Variants in YTHDF3 observed in about 807,000 individuals in gnomAD.
The protein encoded by YTHDF3 is YTH N6-methyladenosine RNA binding protein F3.
YTHDF3 carries 9 observed loss-of-function variants against 52.5 expected under a neutral mutation model. The observed-to-expected ratio is 0.17, with a 90% CI of 0.10 to 0.30. The LOEUF (loss-of-function observed/expected upper bound fraction) is 0.30. Ranked by LOEUF, YTHDF3 falls within the 10% of genes least tolerant of loss-of-function variation. The pLI, the probability that YTHDF3 is intolerant of heterozygous loss-of-function variation, is 1.00. For missense variants in YTHDF3, 534 were observed against 715.0 expected (o/e 0.75, Z 2.89); for synonymous variants, 274 against 243.3 (o/e 1.13, Z -1.18).
intron 4 of YTHDF3, among the ~76,000 whole-genome samples, chr8:63,194,284 G>T (rs533811481): frequency 6.6e-6 from 1 of 152,122 alleles, no homozygotes; most frequent in Admixed American, 6.5e-5. Context: ...AGGAGTTTGA[G>T]ATCAGCCTGG....
In YTHDF3 at chr8:63,168,735, C is replaced by A; in HGVS notation, c.-143C>A. ...TTCCTCCGACTCCCGAGCGCGAGGC[C>A]CTCATTTTGGGTTCTCAGCGAACGG... On this transcript the variant is annotated 5_prime_UTR_variant, in exon 1 of 5. Coordinates refer to ENST00000539294, the MANE Select transcript of YTHDF3 (RefSeq NM_152758.6). 3 of 1,511,040 alleles carry A rather than the reference C, an allele frequency of 2.0e-6. No homozygotes were observed. The South Asian group carries it at 3.6e-5, about 18-fold the overall frequency. 93.6% of individuals were successfully genotyped at this position (1,511,040 alleles called of 1,614,324 possible).
chr8:63,173,752 C>T (rs1807500393), intron 2 of YTHDF3: 12 of 916,528 alleles, frequency 1.3e-5, no homozygotes, highest in South Asian at 5.0e-5. Context: ...ACCTAAGGCA[C>T]CCTCTTTATT....
intron 3 of YTHDF3, among the ~76,000 whole-genome samples, chr8:63,182,970 T>TC (rs397771579): frequency 2.0e-5 from 3 of 151,612 alleles, no homozygotes; most frequent in Non-Finnish European, 2.9e-5. Context: ...TTTTTTTTTT[T>TC]CTTTTTTGAG....
rs200588648 is a variant in YTHDF3, at chr8:63,186,380, A to T, written c.369A>T (p.Gly123=). The change falls in exon 4 of 5, where the codon GGA becomes GGT. Residue 123 remains glycine (G), a synonymous_variant. Coordinates refer to ENST00000539294, the MANE Select transcript of YTHDF3 (RefSeq NM_152758.6). ...CCCCTCCATTTCTTGGTCAACATGG[A>T]TTTAACTTTTTTCCTGGTAATGCTG... is the stretch of plus-strand genomic sequence containing the variant. ...GNTPPFLGQH[G]FNFFPGNADF... The T allele has an allele frequency of 4.6e-5, 75 of 1,613,882 alleles. No individual in the cohort carries two copies. The highest frequency in any genetic ancestry group is 4.2e-5 in the Non-Finnish European group (50 of 1,179,898).
At chr8:63,199,627 GT>G (rs1459074001) in intron 4 of YTHDF3, among the ~76,000 whole-genome samples, 2 of 152,136 alleles carry the variant, frequency 1.3e-5, no homozygotes. Flanking sequence ...GTGACATTCA[GT>G]TTCTTAATTT....
At chr8:63,185,209 A>G (rs1260236265) in intron 3 of YTHDF3, among the ~76,000 whole-genome samples, 1 of 152,162 alleles carries the variant, frequency 6.6e-6, no homozygotes, top group Non-Finnish European at 1.5e-5. Flanking sequence ...AACTTACTTC[A>G]AAAGAAATAA....
At position 63,168,730 on chromosome 8, in the gene YTHDF3, G is replaced by A; in HGVS notation, c.-148G>A. 1.3e-6 allele frequency: 2 copies of A among 1,487,628 alleles called. No individual in the cohort carries two copies. The highest frequency in any genetic ancestry group is 1.2e-5 in the South Asian group (1 of 82,338). 92.2% of individuals were successfully genotyped at this position (1,487,628 alleles called of 1,614,324 possible). ...GCCTCTTCCTCCGACTCCCGAGCGC[G>A]AGGCCCTCATTTTGGGTTCTCAGCG... On this transcript the variant is annotated 5_prime_UTR_variant, in exon 1 of 5. Transcript: ENST00000539294.
intron 3 of YTHDF3, among the ~76,000 whole-genome samples, chr8:63,185,437 T>C (rs1808435117): frequency 6.6e-6 from 1 of 152,172 alleles, no homozygotes; most frequent in Admixed American, 6.5e-5. Context: ...GTAATAGGTT[T>C]ATTGTGTAAA....
At chr8:63,179,219 A>G (rs1278121970) in intron 3 of YTHDF3, among the ~76,000 whole-genome samples, 2 of 148,614 alleles carry the variant, frequency 1.3e-5, no homozygotes, top group African/African-American at 2.5e-5. Context: ...TCAGTCCTTC[A>G]TTTCTTTTTT....
At chr8:63,170,325 TG>T (rs1318335326) in intron 2 of YTHDF3, among the ~76,000 whole-genome samples, 1 of 152,218 alleles carries the variant, frequency 6.6e-6, no homozygotes, top group Non-Finnish European at 1.5e-5. Context: ...TTGTCTTTGG[TG>T]CCCTTTAAAT....
intron 4 of YTHDF3, among the ~76,000 whole-genome samples, chr8:63,204,592 C>T (rs770430819): frequency 3.3e-5 from 5 of 152,154 alleles, no homozygotes; most frequent in Non-Finnish European, 5.9e-5. Context: ...GAACTCCTCA[C>T]CTCAGGTGAT....
chr8:63,174,467 G>A (rs1045443521), intron 2 of YTHDF3, among the ~76,000 whole-genome samples: 5 of 152,138 alleles, frequency 3.3e-5, no homozygotes, highest in Non-Finnish European at 5.9e-5. Context: ...CTGAAACAGC[G>A]AACAGTCAAA....
In YTHDF3 at chr8:63,186,485, A is replaced by T. The variant is rs1170814838; in HGVS notation, c.474A>T (p.Pro158=). The T allele has an allele frequency of 6.2e-7, 1 of 1,614,016 alleles. No individual in the cohort carries two copies. Among genetic ancestry groups the T allele is most frequent in the East Asian group, 2.2e-5 (1 of 44,886 alleles). The change falls in exon 4 of 5, where the codon CCA becomes CCT. Residue 158 remains proline, a synonymous_variant. Transcript: ENST00000539294. The part of the protein sequence containing the change: ...SSAYSSSYGY[P]PSSLGRAITD... ...CTTATAGTAGCAGTTATGGCTATCC[A>T]CCTAGTTCTCTTGGGAGAGCTATTA...
chr8:63,186,616 C>T lies in YTHDF3; in HGVS notation c.605C>T (p.Ala202Val). The T allele has an allele frequency of 6.2e-7, 1 of 1,613,966 alleles. No individual in the cohort carries two copies. The highest frequency in any genetic ancestry group is 1.1e-5 in the South Asian group (1 of 91,082). ...CTGAAAATTGGTGGTGACCTGACAG[C>T]TGCAGTGACAAAAACTGTAGGTACA... ...TGLKIGGDLT[A>V]AVTKTVGTAL... The change falls in exon 4 of 5, where the codon GCT (alanine) becomes GTT (valine). Residue 202 changes from alanine (A) to valine (V), a missense_variant. Physicochemically the swap from Ala to Val is moderately conservative, Grantham distance 64. Coordinates refer to ENST00000539294, the MANE Select transcript of YTHDF3 (RefSeq NM_152758.6).
chr8:63,185,277 T>C (rs918966233), intron 3 of YTHDF3, among the ~76,000 whole-genome samples: 1 of 151,234 alleles, frequency 6.6e-6, no homozygotes, highest in Non-Finnish European at 1.5e-5. Context: ...AAATTTGAGC[T>C]TTTTTTTTCC....
At chr8:63,200,293 T>C (rs1365856710) in intron 4 of YTHDF3, among the ~76,000 whole-genome samples, 1 of 152,108 alleles carries the variant, frequency 6.6e-6, no homozygotes. Context: ...GAGAGGGCAA[T>C]AGAGTAAGCT....
chr8:63,184,312 GT>G (rs1808358823), intron 3 of YTHDF3, among the ~76,000 whole-genome samples: 1 of 152,186 alleles, frequency 6.6e-6, no homozygotes, highest in African/African-American at 2.4e-5. Flanking sequence ...TGAGAGTTGA[GT>G]TTTTTGGTTT....
chr8:63,210,024 T>G lies in YTHDF3; in HGVS notation c.*318T>G, dbSNP rs992932299. 8.2e-6 allele frequency: 2 copies of G among 243,238 alleles called. No individual in the cohort carries two copies. Among genetic ancestry groups the G allele is most frequent in the Admixed American group, 1.1e-4 (2 of 18,976 alleles). 15.1% of individuals were successfully genotyped at this position (243,238 alleles called of 1,614,324 possible). Reference sequence around the variant, plus strand: ...AATGAATGCAAGGATTCATTAACTCTTTGAATTTGTTAAATACTAACAGTT... The same window carrying G: ...AATGAATGCAAGGATTCATTAACTCGTTGAATTTGTTAAATACTAACAGTT... On this transcript the variant is annotated 3_prime_UTR_variant, in exon 5 of 5. Transcript: ENST00000539294.
Position 63,211,926 on chromosome 8 carries a change from C to T in YTHDF3, c.*2220C>T, listed in dbSNP as rs1290063477. The T allele has an allele frequency of 6.6e-6, 1 of 152,524 alleles. No homozygotes were observed. The highest frequency in any genetic ancestry group is 1.5e-5 in the Non-Finnish European group (1 of 68,014). 9.4% of individuals were successfully genotyped at this position (152,524 alleles called of 1,614,324 possible). A position where few individuals can be genotyped will look rare whatever the true frequency, so the allele number is the denominator to read the frequency against. Reference sequence around the variant, plus strand: ...TCTCATATAAGTTTTCTCCAGAGCACCCACCTTCTCTTCCTTCTTGGTCTG... The same window carrying T: ...TCTCATATAAGTTTTCTCCAGAGCATCCACCTTCTCTTCCTTCTTGGTCTG... On this transcript the variant is annotated 3_prime_UTR_variant, in exon 5 of 5. Coordinates refer to ENST00000539294, the MANE Select transcript of YTHDF3 (RefSeq NM_152758.6).
Sources: gnomAD v4.1 joint callset for allele counts (sites outside exome capture counted in the v4.1 genomes callset) on GRCh38, gnomAD v4.1.1 for gene constraint, MANE v1.5 for transcripts, NCBI Gene and HGNC (gene_info 2026-07-23, HGNC 2026-07-21) for gene names.